Variants in SEMA6D observed in about 807,000 individuals in gnomAD.
SEMA6D encodes the protein semaphorin 6D, also known as semaphorin-6D.
SEMA6D carries 35 observed loss-of-function variants against 106.6 expected under a neutral mutation model. The observed-to-expected ratio is 0.33, with a 90% confidence interval of 0.25 to 0.44. The LOEUF (loss-of-function observed/expected upper bound fraction) is 0.44, where lower values mean the gene tolerates loss of function less well. SEMA6D is among the 20% of genes least tolerant of loss of function. SEMA6D has a pLI of 1.00. For missense variants in SEMA6D, 1,185 were observed against 1,345.9 expected, an observed-to-expected ratio of 0.88 and a Z score of 1.87; for synonymous variants, 499 against 487.7, an observed-to-expected ratio of 1.02 and a Z score of -0.31.
At chr15:47,265,739 G>A (rs2034285217) in intron 1 of SEMA6D, among the ~76,000 whole-genome samples, 1 of 151,802 alleles carries the variant, frequency 6.6e-6, no homozygotes, top group Non-Finnish European at 1.5e-5. Flanking sequence ...AGCCATTTGG[G>A]GTACCGATTT....
chr15:47,682,829 A>G (rs1321455144), intron 4 of SEMA6D, among the ~76,000 whole-genome samples: 1 of 152,174 alleles, frequency 6.6e-6, no homozygotes, highest in African/African-American at 2.4e-5. Flanking sequence ...CTCCTCACAA[A>G]TGTCCACTGG....
rs1437570772 is a variant in SEMA6D at position 47,596,352 on chromosome 15, A to G, written c.-86-4513A>G. ...AAATTAATATTGCCAAAATGTGCAT[A>G]CTACTCAAAGCAATATATAGATTTG... On this transcript the variant is annotated intron_variant, in intron 3 of 19. Transcript: ENST00000558014. 2.6e-5 allele frequency among the ~76,000 whole-genome samples: 4 copies of G among 152,260 alleles called. No homozygotes were observed. In the East Asian group the frequency reaches 7.7e-4, roughly 29 times the overall value.
upstream of SEMA6D, among the ~76,000 whole-genome samples, chr15:47,714,937 T>C (rs2079083468): frequency 6.6e-6 from 1 of 152,232 alleles, no homozygotes. Flanking sequence ...TAGAGATTGC[T>C]GCTGTTAAGG....
chr15:47,566,580 A>G (rs2046235072), intron 3 of SEMA6D, among the ~76,000 whole-genome samples: 1 of 152,232 alleles, frequency 6.6e-6, no homozygotes, highest in South Asian at 2.1e-4. Context: ...AGAGCTTCTT[A>G]GATTATTTTG....
chr15:47,221,664 G>A (rs1290621211), intron 1 of SEMA6D, among the ~76,000 whole-genome samples: 1 of 152,214 alleles, frequency 6.6e-6, no homozygotes. Context: ...GACAGTGGCA[G>A]TATCTCTGAT....
At chr15:47,192,801 T>G (rs1894055850) in intron 1 of SEMA6D, among the ~76,000 whole-genome samples, 1 of 152,160 alleles carries the variant, frequency 6.6e-6, no homozygotes, top group Non-Finnish European at 1.5e-5. Flanking sequence ...AAGAGACAAC[T>G]TGATGGGAAG....
At chr15:47,351,573 G>C (rs1224420486) in intron 1 of SEMA6D, among the ~76,000 whole-genome samples, 4 of 152,130 alleles carry the variant, frequency 2.6e-5, no homozygotes, top group Non-Finnish European at 5.9e-5. Flanking sequence ...AGGTCAGGTG[G>C]CTAGTTTTAG....
chr15:47,767,538 G>A (rs1328815142), intron 17 of SEMA6D: 1 of 152,426 alleles, frequency 6.6e-6, no homozygotes, highest in Non-Finnish European at 1.5e-5. Flanking sequence ...AGAGATCTTT[G>A]AATGGTTTGC....
chr15:47,591,489 A>G (rs1336259699), intron 3 of SEMA6D, among the ~76,000 whole-genome samples: 2 of 152,058 alleles, frequency 1.3e-5, no homozygotes, highest in Non-Finnish European at 2.9e-5. Flanking sequence ...CAGCCTTTCC[A>G]CATAGCCAGG....
Position 47,752,870 on chromosome 15 carries a change from G to A in SEMA6D, c.-54-6875G>A, listed in dbSNP as rs116619112. Among the ~76,000 whole-genome samples the A allele has an allele frequency of 9.3e-3, 1,418 of 152,116 alleles. 26 individuals are homozygous for A. Among genetic ancestry groups the A allele is most frequent in the African/African-American group, 0.032 (1,336 of 41,496 alleles). On this transcript the variant is annotated intron_variant, in intron 1 of 18. Coordinates refer to ENST00000536845, the MANE Select transcript of SEMA6D (RefSeq NM_001358351.3). ...CTAAAAGTATAAAAATTAGCTGGACGTGGTGGTGCACGCCTGTAATACCAG... is the reference window on the plus strand; with the variant it reads ...CTAAAAGTATAAAAATTAGCTGGACATGGTGGTGCACGCCTGTAATACCAG...
At chr15:47,519,401 C>T (rs1172948215) in intron 3 of SEMA6D, among the ~76,000 whole-genome samples, 2 of 152,102 alleles carry the variant, frequency 1.3e-5, no homozygotes, top group Non-Finnish European at 2.9e-5. Flanking sequence ...TATATGCAGT[C>T]CATCATTGAC....
chr15:47,291,395 G>A (rs147988882), intron 1 of SEMA6D, among the ~76,000 whole-genome samples: 17 of 152,272 alleles, frequency 1.1e-4, no homozygotes, highest in African/African-American at 4.1e-4. Flanking sequence ...CAGGAAAATG[G>A]GGACCTGAGG....
chr15:47,189,235 A>C (rs1220665263), intron 1 of SEMA6D, among the ~76,000 whole-genome samples: 1 of 152,122 alleles, frequency 6.6e-6, no homozygotes, highest in Non-Finnish European at 1.5e-5. Flanking sequence ...CTACCCTGGC[A>C]GACCTGATTG....
intron 8 of SEMA6D, 131 bp from the exon 9 acceptor site, chr15:47,762,885 C>A: frequency 1.5e-6 from 1 of 654,894 alleles, no homozygotes; most frequent in Non-Finnish European, 2.6e-6. Context: ...TCCTCAAAGT[C>A]ATTGGCAGAT....
chr15:47,328,782 A>G (rs2037229878), intron 1 of SEMA6D, among the ~76,000 whole-genome samples: 1 of 152,212 alleles, frequency 6.6e-6, no homozygotes, highest in Non-Finnish European at 1.5e-5. Flanking sequence ...AAAAGGAGGA[A>G]GGAAAGAAAT....
upstream of SEMA6D, among the ~76,000 whole-genome samples, chr15:47,715,735 C>T (rs1364282672): frequency 2.0e-5 from 3 of 152,134 alleles, no homozygotes; most frequent in African/African-American, 7.2e-5. Context: ...GGAAAGCTGA[C>T]GATTGTGGAA....
intron 1 of SEMA6D, among the ~76,000 whole-genome samples, chr15:47,322,895 T>A (rs1595730568): frequency 1.3e-5 from 2 of 152,260 alleles, no homozygotes; most frequent in East Asian, 3.9e-4. Flanking sequence ...AAGGGAAAAG[T>A]CTAATTAAAA....
At chr15:47,287,437 T>A (rs546816542) in intron 1 of SEMA6D, among the ~76,000 whole-genome samples, 1 of 152,310 alleles carries the variant, frequency 6.6e-6, no homozygotes, top group East Asian at 1.9e-4. Flanking sequence ...CCTAGCTCAT[T>A]TGAGCGCCCT....
Position 47,772,023 on chromosome 15 carries a change from A to T in SEMA6D, c.*238A>T, listed in dbSNP as rs2082650895. Reference sequence around the variant, plus strand: ...CTGGTCATTCCATTTCTTTTGTTTGAAGCTAAAGAGATGTGTAGCTCACAG... The same window carrying T: ...CTGGTCATTCCATTTCTTTTGTTTGTAGCTAAAGAGATGTGTAGCTCACAG... On this transcript the variant is annotated 3_prime_UTR_variant, in exon 19 of 19. Coordinates refer to ENST00000536845, the MANE Select transcript of SEMA6D (RefSeq NM_001358351.3). The T allele has an allele frequency of 1.2e-5, 6 of 517,822 alleles. No homozygotes were observed. Among genetic ancestry groups the T allele is most frequent in the African/African-American group, 1.9e-5 (1 of 52,794 alleles). 32.1% of individuals were successfully genotyped at this position (517,822 alleles called of 1,614,324 possible).
Sources: gnomAD v4.1 joint callset for allele counts (sites outside exome capture counted in the v4.1 genomes callset) on GRCh38, gnomAD v4.1.1 for gene constraint, MANE v1.5 for transcripts, NCBI Gene and HGNC (gene_info 2026-07-23, HGNC 2026-07-21) for gene names.